Variants in HS6ST2 observed in about 807,000 individuals in gnomAD.
HS6ST2 encodes the protein heparan sulfate 6-O-sulfotransferase 2, also known as heparan-sulfate 6-O-sulfotransferase 2.
A neutral mutation model predicts 33.0 loss-of-function variants in HS6ST2; 17 were observed. That is an observed-to-expected ratio of 0.52 (90% CI 0.35 to 0.77). HS6ST2 has a LOEUF of 0.77. Among genes scored for constraint, HS6ST2 ranks in the 30% least tolerant of loss-of-function variants. The pLI is 0.01. For missense variants in HS6ST2, 519 were observed against 551.7 expected (o/e 0.94, Z 0.59); for synonymous variants, 248 against 237.1 (o/e 1.05, Z -0.42).
At chrX:132,921,412 G>GT (rs2066649478) in intron 2 of HS6ST2, among the ~76,000 whole-genome samples, 1 of 112,346 alleles carries the variant, frequency 8.9e-6, no homozygotes, top group Non-Finnish European at 1.9e-5. Flanking sequence ...GCTGGCTATT[G>GT]TGCCATCCCC....
At chrX:132,708,329 G>T (rs1420425411) in intron 3 of HS6ST2, 133 bp downstream of exon 3, 5 of 58,986 alleles carry the variant, frequency 8.5e-5, no homozygotes, top group Non-Finnish European at 1.2e-4. Flanking sequence ...AAAAAAAAAA[G>T]CCCTGGAAAG....
At chrX:132,635,701 C>T (rs144825012) in intron 4 of HS6ST2, among the ~76,000 whole-genome samples, 4 of 110,215 alleles carry the variant, frequency 3.6e-5, no homozygotes, top group African/African-American at 1.3e-4. Flanking sequence ...AAGTCAAGTC[C>T]AGGGATGTTG....
intron 2 of HS6ST2, among the ~76,000 whole-genome samples, chrX:132,802,334 A>G (rs1037353817): frequency 8.9e-6 from 1 of 111,970 alleles, no homozygotes; most frequent in Non-Finnish European, 1.9e-5. Flanking sequence ...ACAGATCTCA[A>G]TAAGTTTGTG....
rs56390608 is a variant in HS6ST2, at chrX:132,811,685, AATATATATAT to A, written c.948-103201_948-103192del. Among the ~76,000 whole-genome samples, 34 of 29,807 alleles carry A rather than the reference AATATATATAT, an allele frequency of 1.1e-3. 2 individuals carry two copies. The South Asian group carries it at 0.012, about 10-fold the overall frequency. 25.9% of individuals were successfully genotyped at this position (29,807 alleles called of 115,157 possible). On this transcript the variant is annotated intron_variant, in intron 2 of 4. Coordinates refer to ENST00000370833, the MANE Select transcript of HS6ST2 (RefSeq NM_001394073.1). ...CAGAACTTTGTTTTAAAGGCTGAAT[AATATATATAT>A]ATATATATATATATATATATATATA...
intron 2 of HS6ST2, among the ~76,000 whole-genome samples, chrX:132,904,584 C>G (rs1397220689): frequency 2.8e-5 from 3 of 106,792 alleles, no homozygotes; most frequent in Admixed American, 2.0e-4. Context: ...CTCACTCTCG[C>G]TCAGGCCGTA....
chrX:132,733,194 C>T (rs764322108), intron 2 of HS6ST2, among the ~76,000 whole-genome samples: 1 of 111,851 alleles, frequency 8.9e-6, no homozygotes, highest in Non-Finnish European at 1.9e-5. Context: ...GACAGCCCTG[C>T]AGTTCCAGAA....
intron 2 of HS6ST2, among the ~76,000 whole-genome samples, chrX:132,795,899 G>A (rs776414969): frequency 1.8e-5 from 2 of 111,698 alleles, no homozygotes; most frequent in African/African-American, 6.5e-5. Flanking sequence ...ATGCACTACC[G>A]CACCCAGCCT....
intron 2 of HS6ST2, among the ~76,000 whole-genome samples, chrX:132,858,346 A>G (rs759514437): frequency 8.9e-6 from 1 of 112,350 alleles, no homozygotes; most frequent in East Asian, 2.8e-4. Context: ...GAGGCACTAA[A>G]TGCCAGTAAA....
chrX:132,733,646 GA>G (rs1239835313), intron 2 of HS6ST2, among the ~76,000 whole-genome samples: 1 of 111,171 alleles, frequency 9.0e-6, no homozygotes, highest in Admixed American at 9.6e-5. Flanking sequence ...ATAGGATTCA[GA>G]ACAGCAAAAA....
intron 2 of HS6ST2, among the ~76,000 whole-genome samples, chrX:132,845,163 CGAGA>C (rs913039220): frequency 1.8e-5 from 2 of 108,163 alleles, no homozygotes; most frequent in African/African-American, 6.7e-5. Flanking sequence ...TGTATTTCAT[CGAGA>C]GAGAGATTGA....
intron 4 of HS6ST2, among the ~76,000 whole-genome samples, chrX:132,647,844 T>G (rs1220319663): frequency 8.9e-6 from 1 of 111,960 alleles, no homozygotes; most frequent in African/African-American, 3.2e-5. Flanking sequence ...TTTTATAAAA[T>G]TTCTTTATGC....
intron 2 of HS6ST2, among the ~76,000 whole-genome samples, chrX:132,840,700 T>C (rs923020641): frequency 6.3e-5 from 7 of 111,471 alleles, no homozygotes; most frequent in African/African-American, 2.0e-4. Context: ...AGCCATTGTG[T>C]CCTTATCTGG....
Position 132,951,206 on chromosome X carries a change from A to G in HS6ST2, c.947+5602T>C, listed in dbSNP as rs192305141. Among the ~76,000 whole-genome samples, 365 of 110,939 alleles carry G rather than the reference A, an allele frequency of 3.3e-3. 4 individuals are homozygous for G. Among genetic ancestry groups the G allele is most frequent in the Non-Finnish European group, 5.2e-3 (275 of 52,902 alleles). ...TAGACTCCGACCTTTATTTACTTTCATGGTGTTTTTGCACTCTTTCCATCC... is the reference window on the plus strand; with the variant it reads ...TAGACTCCGACCTTTATTTACTTTCGTGGTGTTTTTGCACTCTTTCCATCC... On this transcript the variant is annotated intron_variant, in intron 2 of 4. Coordinates refer to ENST00000370833, the MANE Select transcript of HS6ST2 (RefSeq NM_001394073.1).
chrX:132,710,467 T>C (rs1356207668), intron 2 of HS6ST2, among the ~76,000 whole-genome samples: 1 of 111,266 alleles, frequency 9.0e-6, no homozygotes, highest in Non-Finnish European at 1.9e-5. Flanking sequence ...TACTGAGTAG[T>C]GAATAAAACA....
At chrX:132,777,303 C>T (rs1008199422) in intron 2 of HS6ST2, among the ~76,000 whole-genome samples, 22 of 108,726 alleles carry the variant, frequency 2.0e-4, no homozygotes, top group African/African-American at 6.1e-4. Flanking sequence ...AATAGCATCC[C>T]TCGATAAATG....
chrX:132,845,761 T>C (rs751126931), intron 2 of HS6ST2, among the ~76,000 whole-genome samples: 1 of 111,442 alleles, frequency 9.0e-6, no homozygotes, highest in Non-Finnish European at 1.9e-5. Flanking sequence ...TATTTAGCAG[T>C]CTCAAAAGCC....
chrX:132,913,578 G>T (rs1417482124), intron 2 of HS6ST2, among the ~76,000 whole-genome samples: 1 of 112,407 alleles, frequency 8.9e-6, no homozygotes, highest in Non-Finnish European at 1.9e-5. Flanking sequence ...ATCTGGGCAG[G>T]AGTGCAAGCC....
intron 2 of HS6ST2, among the ~76,000 whole-genome samples, chrX:132,781,551 G>GT (rs2065016670): frequency 9.0e-6 from 1 of 111,696 alleles, no homozygotes; most frequent in Non-Finnish European, 1.9e-5. Context: ...CTAGACAAGT[G>GT]TATTAGTCCG....
At chrX:132,934,151 T>TA (rs1262072908) in intron 2 of HS6ST2, among the ~76,000 whole-genome samples, 2 of 111,275 alleles carry the variant, frequency 1.8e-5, no homozygotes, top group African/African-American at 6.5e-5. Context: ...TGAAAAGCAA[T>TA]AAAAAAATAG....
Sources: allele counts gnomAD v4.1 joint callset (sites outside exome capture counted in the v4.1 genomes callset), GRCh38; gene constraint gnomAD v4.1.1; transcripts MANE v1.5; gene names NCBI Gene and HGNC (gene_info 2026-07-23, HGNC 2026-07-21).